The following PARN variants were observed in gnomAD, a reference collection of about 807,000 sequenced individuals.
PARN encodes poly(A)-specific ribonuclease, also known as poly(A)-specific ribonuclease PARN.
A neutral mutation model predicts 102.8 loss-of-function variants in PARN; 71 were observed. The ratio of observed to expected loss-of-function variants is 0.69; its 90% CI spans 0.57 to 0.84. PARN has a LOEUF of 0.84. Ranked by LOEUF, PARN falls within the 40% of genes least tolerant of loss-of-function variation. PARN has a pLI of 0.00. For missense variants in PARN, 782 were observed against 760.9 expected (o/e 1.03, Z -0.33); for synonymous variants, 261 against 252.9 (o/e 1.03, Z -0.30).
chr16:14,626,638 G>A (rs1213977487), intron 5 of PARN, among the ~76,000 whole-genome samples: 1 of 149,368 alleles, frequency 6.7e-6, no homozygotes, highest in Non-Finnish European at 1.5e-5. Flanking sequence ...TTGAGCCAGA[G>A]TCTCGCTCTG....
intron 21 of PARN, among the ~76,000 whole-genome samples, chr16:14,500,804 C>G (rs1964547843): frequency 6.6e-6 from 1 of 152,062 alleles, no homozygotes; most frequent in African/African-American, 2.4e-5. Flanking sequence ...CTCCACAAAC[C>G]CCATTTTTCC....
chr16:14,485,428 T>C (rs1963616250), intron 21 of PARN, among the ~76,000 whole-genome samples: 2 of 152,198 alleles, frequency 1.3e-5, no homozygotes, highest in Non-Finnish European at 2.9e-5. Flanking sequence ...GTCAGGTATT[T>C]GGTAAATCAA....
chr16:14,574,680 T>C (rs1051449065), intron 18 of PARN, among the ~76,000 whole-genome samples: 3 of 152,016 alleles, frequency 2.0e-5, no homozygotes, highest in African/African-American at 2.4e-5. Context: ...GCCACTGCAC[T>C]CCAGCCTGGG....
chr16:14,501,906 G>A (rs1177522203), intron 21 of PARN, among the ~76,000 whole-genome samples: 1 of 152,194 alleles, frequency 6.6e-6, no homozygotes, highest in African/African-American at 2.4e-5. Flanking sequence ...AATCACTGCC[G>A]TTTCTGGAAA....
chr16:14,506,414 A>G (rs1228373645), intron 21 of PARN, among the ~76,000 whole-genome samples: 2 of 152,356 alleles, frequency 1.3e-5, no homozygotes, highest in Admixed American at 6.5e-5. Flanking sequence ...ACATTAGATC[A>G]TATCAAAATC....
At chr16:14,444,983 A>ATTTTTTTTT (rs564058919) in intron 23 of PARN, among the ~76,000 whole-genome samples, 2 of 117,970 alleles carry the variant, frequency 1.7e-5, no homozygotes, top group African/African-American at 3.3e-5. Context: ...TAATATTTAA[A>ATTTTTTTTT]TTTTTTTTTT....
intron 21 of PARN, among the ~76,000 whole-genome samples, chr16:14,504,239 T>A (rs1025425038): frequency 2.0e-5 from 3 of 152,182 alleles, no homozygotes; most frequent in African/African-American, 7.2e-5. Context: ...TAAATAATTA[T>A]GCTATTCATA....
chr16:14,511,777 T>C (rs1008326124), intron 21 of PARN, among the ~76,000 whole-genome samples: 1 of 152,318 alleles, frequency 6.6e-6, no homozygotes, highest in Admixed American at 6.5e-5. Flanking sequence ...CTTCACTTAC[T>C]GCAGCCTCGA....
intron 22 of PARN, among the ~76,000 whole-genome samples, chr16:14,480,955 A>G (rs1011526928): frequency 2.6e-5 from 4 of 151,854 alleles, no homozygotes; most frequent in African/African-American, 9.7e-5. Context: ...AAATAAATAA[A>G]TAAATAAATA....
At chr16:14,484,617 G>C (rs757420131) in intron 21 of PARN, among the ~76,000 whole-genome samples, 3 of 152,280 alleles carry the variant, frequency 2.0e-5, no homozygotes, top group Middle Eastern at 6.8e-3. Flanking sequence ...TGGGCACGTC[G>C]GCACTGGACA....
chr16:14,608,037 A>G, intron 9 of PARN: 1 of 510,040 alleles, frequency 2.0e-6, no homozygotes, highest in Non-Finnish European at 3.4e-6. Flanking sequence ...AAACACTACC[A>G]ATCCATAGCT....
At chr16:14,497,455 G>A (rs1307612343) in intron 21 of PARN, among the ~76,000 whole-genome samples, 1 of 152,210 alleles carries the variant, frequency 6.6e-6, no homozygotes, top group Non-Finnish European at 1.5e-5. Context: ...AACTTCAGAT[G>A]CCAGGTACAA....
intron 21 of PARN, among the ~76,000 whole-genome samples, chr16:14,487,112 A>T (rs1385983102): frequency 6.6e-6 from 1 of 152,246 alleles, no homozygotes; most frequent in Non-Finnish European, 1.5e-5. Context: ...ATCCGAAGGC[A>T]GCATCAACGC....
intron 21 of PARN, among the ~76,000 whole-genome samples, chr16:14,489,437 CAAA>C (rs770783306): frequency 1.2e-3 from 73 of 59,424 alleles, no homozygotes; most frequent in African/African-American, 1.9e-3. Context: ...GAGAGAGACT[CAAA>C]AAAAAAAAAA....
chr16:14,560,372 C>CAA (rs2151718406), intron 18 of PARN, among the ~76,000 whole-genome samples: 2 of 152,346 alleles, frequency 1.3e-5, no homozygotes, highest in East Asian at 3.9e-4. Flanking sequence ...TAAAGACCCT[C>CAA]AAGACTGCGT....
At chr16:14,563,964 G>A (rs768352255) in intron 18 of PARN, among the ~76,000 whole-genome samples, 2 of 152,096 alleles carry the variant, frequency 1.3e-5, no homozygotes, top group Non-Finnish European at 2.9e-5. Context: ...ATCCTCTCCT[G>A]TCTGGAAGTT....
chr16:14,602,315 TC>T (rs1970923211), intron 11 of PARN, among the ~76,000 whole-genome samples: 1 of 152,006 alleles, frequency 6.6e-6, no homozygotes, highest in African/African-American at 2.4e-5. Flanking sequence ...ATGCTGTTGA[TC>T]CTCAGGATTC....
chr16:14,462,596 A>AG (rs1962055539), intron 22 of PARN, among the ~76,000 whole-genome samples: 2 of 152,150 alleles, frequency 1.3e-5, no homozygotes, highest in Admixed American at 1.3e-4. Context: ...ACACTGGGAG[A>AG]GAAAAAAGAA....
chr16:14,623,564 C>T (rs1338769253), intron 5 of PARN, among the ~76,000 whole-genome samples: 1 of 151,480 alleles, frequency 6.6e-6, no homozygotes, highest in Non-Finnish European at 1.5e-5. Context: ...TGGCCAGGCG[C>T]GATGGCTCAC....
Sources: allele counts gnomAD v4.1 joint callset (sites outside exome capture counted in the v4.1 genomes callset), GRCh38; gene constraint gnomAD v4.1.1; transcripts MANE v1.5; gene names NCBI Gene and HGNC (gene_info 2026-07-23, HGNC 2026-07-21).